ZMYM6: variants seen among roughly 807,000 people sequenced by gnomAD.
ZMYM6 encodes zinc finger MYM-type containing 6.
Under a neutral mutation model 134.0 loss-of-function variants are expected in ZMYM6, and 90 were observed. The ratio of observed to expected loss-of-function variants is 0.67; its 90% CI spans 0.57 to 0.80. The LOEUF (loss-of-function observed/expected upper bound fraction) is 0.80, where lower values mean the gene tolerates loss of function less well. Among genes scored for constraint, ZMYM6 ranks in the 30% least tolerant of loss-of-function variants. ZMYM6 has a pLI of 0.00. For missense variants in ZMYM6, 1,362 were observed against 1,533.9 expected (o/e 0.89, Z 1.87); for synonymous variants, 481 against 524.1 (o/e 0.92, Z 1.12).
chr1:35,005,014 C>G, intron 13 of ZMYM6, 118 bp downstream of exon 13: 1 of 1,205,550 alleles, frequency 8.3e-7, no homozygotes, highest in Non-Finnish European at 1.2e-6. Flanking sequence ...GTTGAGATCA[C>G]GCCATTGCAC....
intron 14 of ZMYM6, among the ~76,000 whole-genome samples, chr1:34,994,465 C>T (rs1260249555): frequency 1.3e-5 from 2 of 152,060 alleles, no homozygotes; most frequent in Non-Finnish European, 2.9e-5. Context: ...GAAAGCTTGG[C>T]ATGCTTTAGG....
intron 6 of ZMYM6, chr1:35,013,837 G>A (rs549492477): frequency 2.0e-5 from 4 of 198,224 alleles, no homozygotes; most frequent in South Asian, 1.8e-4. Context: ...GATTACAGGC[G>A]CCCGCCACCA....
At chr1:35,012,317 G>A (rs1326123382) in intron 7 of ZMYM6, 114 bp downstream of exon 7, 1 of 1,014,036 alleles carries the variant, frequency 9.9e-7, no homozygotes, top group Admixed American at 3.5e-5. Flanking sequence ...AGTCAGTCTT[G>A]GGTTTTTATT....
Position 35,010,743 on chromosome 1 carries a change from A to G in ZMYM6, c.1341+15T>C. On this transcript the variant is annotated intron_variant, in intron 9 of 15. Transcript: ENST00000357182. ...GATGAGTTTATATACAATCCCTTTCATGATCTCTCTTTACCTTGTAAAAAA... is the reference window on the plus strand; with the variant it reads ...GATGAGTTTATATACAATCCCTTTCGTGATCTCTCTTTACCTTGTAAAAAA... 1 of 1,540,576 alleles carries G rather than the reference A, an allele frequency of 6.5e-7. No individual in the cohort carries two copies. The highest frequency in any genetic ancestry group is 8.7e-7 in the Non-Finnish European group (1 of 1,149,274).
At chr1:34,998,856 C>T (rs908286618) in intron 14 of ZMYM6, among the ~76,000 whole-genome samples, 1 of 152,196 alleles carries the variant, frequency 6.6e-6, no homozygotes. Context: ...AGAGAAATGG[C>T]TCACACCTGT....
chr1:34,993,374 G>C (rs999318934), intron 14 of ZMYM6, among the ~76,000 whole-genome samples: 6 of 152,006 alleles, frequency 3.9e-5, no homozygotes, highest in African/African-American at 1.4e-4. Flanking sequence ...GCCTCCCAAA[G>C]TGCTGGGATT....
intron 4 of ZMYM6, chr1:35,018,795 A>G (rs1312146235): frequency 6.5e-6 from 1 of 154,570 alleles, no homozygotes; most frequent in Non-Finnish European, 1.4e-5. Flanking sequence ...CTACCACAGA[A>G]ATAGGCAAAA....
At position 35,015,137 on chromosome 1, in the gene ZMYM6, T is replaced by G; in HGVS notation, c.454A>C (p.Ile152Leu). The change falls in exon 5 of 16, where the codon ATC becomes CTC. Residue 152 changes from isoleucine to leucine, a missense_variant. Ile to Leu is a conservative substitution (Grantham distance 5). Around this residue, in one of 3 missense-constraint regions of ZMYM6, gnomAD observed 503 missense variants for 520.8 expected, o/e 0.97. Coordinates refer to ENST00000357182, the MANE Select transcript of ZMYM6 (RefSeq NM_007167.4). ...TAGGAATTCTCAAAGCGAGTTGTGA[T>G]CACATCCTTAGGATTTAAAATGTCT... ...SKDILNPKDV[I>L]TTRFENSYPS... 6.2e-7 allele frequency: 1 copy of G among 1,608,098 alleles called. No homozygotes were observed. The highest frequency in any genetic ancestry group is 8.5e-7 in the Non-Finnish European group (1 of 1,178,618).
At chr1:35,018,725 G>A (rs1473918381) in intron 4 of ZMYM6, 1 of 152,318 alleles carries the variant, frequency 6.6e-6, no homozygotes, top group Non-Finnish European at 1.5e-5. Flanking sequence ...TTAAAAGCAA[G>A]CTCTTACTGT....
chr1:35,006,912 C>A (rs777147341), intron 12 of ZMYM6, 39 bp downstream of exon 12: 2 of 1,580,644 alleles, frequency 1.3e-6, no homozygotes, highest in South Asian at 2.4e-5. Context: ...AGTGTCCTAG[C>A]ACTGACATAA....
At position 34,988,692 on chromosome 1, in the gene ZMYM6, T is replaced by C; in HGVS notation, c.2390A>G (p.Glu797Gly). 3 of 1,550,526 alleles carry C rather than the reference T, an allele frequency of 1.9e-6. No homozygotes were observed. Among genetic ancestry groups the C allele is most frequent in the Non-Finnish European group, 2.6e-6 (3 of 1,146,764 alleles). ...TTCAAAAAAATCTACTGGTTTGTTT[T>C]CTAATTCTGAATGTTTTGTCTTCAA... ...HHLKTKHSEL[E>G]NKPVDFFEQK... Residue 797 changes from glutamate (E) to glycine (G), a missense_variant, in exon 16 of 16, where the codon GAA becomes GGA. Transcript: ENST00000357182.
intron 4 of ZMYM6, among the ~76,000 whole-genome samples, chr1:35,015,980 C>T (rs191569117): frequency 2.1e-5 from 3 of 142,584 alleles, no homozygotes; most frequent in African/African-American, 7.7e-5. Flanking sequence ...CGGAGTCTCG[C>T]TCTGCTGCCC....
rs1641147530 is a variant in ZMYM6 at position 35,014,555 on chromosome 1, G to A, written c.795+142C>T. The A allele has an allele frequency of 3.6e-6, 3 of 834,176 alleles. No individual in the cohort carries two copies. The South Asian group carries it at 5.9e-5, about 16-fold the overall frequency. The allele number at this position is 834,176 out of a possible 1,614,324, so 51.7% of individuals were successfully genotyped here. On this transcript the variant is annotated intron_variant, in intron 6 of 15. Coordinates refer to ENST00000357182, the MANE Select transcript of ZMYM6 (RefSeq NM_007167.4). ...ACCACAATCATCCCTCACACCATCAGAATCTATCCCATTTTCTGGAAGGGA... is the reference window on the plus strand; with the variant it reads ...ACCACAATCATCCCTCACACCATCAAAATCTATCCCATTTTCTGGAAGGGA...
At chr1:35,003,783 CT>C (rs1640918808) in intron 14 of ZMYM6, 184 bp downstream of exon 14, 1 of 549,494 alleles carries the variant, frequency 1.8e-6, no homozygotes, top group Admixed American at 3.9e-5. Flanking sequence ...ACAGTAATTG[CT>C]GCCGAAATAT....
intron 7 of ZMYM6, 51 bp from the exon 8 acceptor site, chr1:35,012,056 C>T: frequency 8.6e-7 from 1 of 1,159,266 alleles, no homozygotes; most frequent in Non-Finnish European, 1.2e-6. Flanking sequence ...AATGAACAAA[C>T]AATACAAAAA....
At chr1:35,002,596 T>C (rs1640898412) in intron 14 of ZMYM6, among the ~76,000 whole-genome samples, 1 of 152,224 alleles carries the variant, frequency 6.6e-6, no homozygotes, top group Non-Finnish European at 1.5e-5. Flanking sequence ...GTTATAATTT[T>C]TGTGAACTAA....
chr1:35,014,307 A>G (rs1014837763), intron 6 of ZMYM6, among the ~76,000 whole-genome samples: 1 of 152,210 alleles, frequency 6.6e-6, no homozygotes, highest in Non-Finnish European at 1.5e-5. Flanking sequence ...AAATCATGAA[A>G]TTACATTTAT....
intron 2 of ZMYM6, among the ~76,000 whole-genome samples, chr1:35,028,836 A>G (rs977127829): frequency 6.6e-6 from 1 of 152,008 alleles, no homozygotes. Flanking sequence ...CTGGGTCCCT[A>G]TGGGGTAGCC....
chr1:35,018,661 T>C (rs1052221862), intron 4 of ZMYM6: 1 of 152,216 alleles, frequency 6.6e-6, no homozygotes, highest in Non-Finnish European at 1.5e-5. Context: ...AATGGAGGCT[T>C]AGAAAGTTAA....
Sources: gnomAD v4.1 joint callset for allele counts (sites outside exome capture counted in the v4.1 genomes callset) on GRCh38, gnomAD v4.1.1 for gene constraint, gnomAD v4.1.1 regional missense constraint, MANE v1.5 for transcripts, NCBI Gene and HGNC (gene_info 2026-07-23, HGNC 2026-07-21) for gene names.